The following FCHSD2 variants were observed in gnomAD, a reference collection of about 807,000 sequenced individuals.
FCHSD2 encodes F-BAR and double SH3 domains protein 2.
In FCHSD2, 38 loss-of-function variants were observed where a neutral mutation model predicts 108.1. That is an observed-to-expected ratio of 0.35 (90% CI 0.27 to 0.46). FCHSD2 has a LOEUF of 0.46. Among genes scored for constraint, FCHSD2 ranks in the 20% least tolerant of loss-of-function variants. The pLI is 1.00. For synonymous variants in FCHSD2, 279 were observed against 314.7 expected (o/e 0.89, Z 1.20); for missense variants, 751 against 897.8 (o/e 0.84, Z 2.09).
chr11:73,013,079 T>C (rs1255731865), intron 4 of FCHSD2, among the ~76,000 whole-genome samples: 6 of 152,214 alleles, frequency 3.9e-5, no homozygotes, highest in Non-Finnish European at 7.3e-5. Context: ...CATGGAAACA[T>C]TTCAACACCT....
At chr11:72,864,524 C>T (rs1037879965) in intron 13 of FCHSD2, among the ~76,000 whole-genome samples, 7 of 151,982 alleles carry the variant, frequency 4.6e-5, no homozygotes, top group South Asian at 2.1e-4. Flanking sequence ...CCAGCCTGGG[C>T]GATAGAGGGA....
chr11:72,925,655 G>A (rs535634634), intron 8 of FCHSD2, among the ~76,000 whole-genome samples: 8 of 152,302 alleles, frequency 5.3e-5, no homozygotes, highest in East Asian at 1.9e-4. Flanking sequence ...AATAACTGAC[G>A]CACGTATCCC....
chr11:72,956,906 AC>A (rs1856722398), intron 8 of FCHSD2, among the ~76,000 whole-genome samples: 3 of 151,972 alleles, frequency 2.0e-5, no homozygotes, highest in Admixed American at 6.6e-5. Context: ...AGACAGTTTG[AC>A]ATCATGCACT....
At chr11:72,849,684 G>T in intron 14 of FCHSD2, 71 bp downstream of exon 14, 1 of 1,179,684 alleles carries the variant, frequency 8.5e-7, no homozygotes, top group Non-Finnish European at 1.2e-6. Flanking sequence ...TTGAGAGACT[G>T]GATGGATACA....
intron 12 of FCHSD2, among the ~76,000 whole-genome samples, chr11:72,884,652 CT>C (rs966540402): frequency 2.0e-5 from 3 of 151,634 alleles, no homozygotes; most frequent in Admixed American, 2.0e-4. Context: ...GTTGCCCAAG[CT>C]GGAGTACAGT....
chr11:73,108,752 T>C (rs1408562299), intron 2 of FCHSD2, among the ~76,000 whole-genome samples: 2 of 152,008 alleles, frequency 1.3e-5, no homozygotes, highest in Admixed American at 6.5e-5. Context: ...TTTGTATTTT[T>C]AGTAGAGACG....
Position 72,868,001 on chromosome 11 carries a change from C to T in FCHSD2, c.1172G>A (p.Arg391Gln), listed in dbSNP as rs775098553. Residue 391 changes from arginine to glutamine, a missense_variant, in exon 13 of 20, where the codon CGG becomes CAG. Arg to Gln is a conservative substitution (Grantham distance 43). Transcript: ENST00000409418. ...AEIIKLKAEA[R>Q]LDLLKQIGVS... ...ACCAATCTGCTTTAGCAGGTCCAAC[C>T]GGGCTTCAGCTTTCAATTTAATTAT... 4 of 1,565,648 alleles carry T rather than the reference C, an allele frequency of 2.6e-6. No homozygotes were observed. The highest frequency in any genetic ancestry group is 1.3e-5 in the African/African-American group (1 of 74,242).
chr11:73,112,441 G>C (rs1860507513), intron 2 of FCHSD2, among the ~76,000 whole-genome samples: 1 of 152,136 alleles, frequency 6.6e-6, no homozygotes, highest in South Asian at 2.1e-4. Context: ...ACATTTGGGA[G>C]TTTCATTATT....
At chr11:73,108,816 C>T (rs923000888) in intron 2 of FCHSD2, among the ~76,000 whole-genome samples, 1 of 152,174 alleles carries the variant, frequency 6.6e-6, no homozygotes, top group South Asian at 2.1e-4. Context: ...CATGATCCAC[C>T]CGCTTCGGCC....
Position 72,921,757 on chromosome 11 carries a change from T to C in FCHSD2, c.828+71A>G. ...CTTCTAATATCACTAGTACCTTCAT[T>C]TTCTTTGTATGCAGAAATACTTTAG... On this transcript the variant is annotated intron_variant, in intron 9 of 19. Coordinates refer to ENST00000409418, the MANE Select transcript of FCHSD2 (RefSeq NM_014824.3). The C allele has an allele frequency of 3.8e-6, 5 of 1,310,596 alleles. No individual in the cohort carries two copies. In the Admixed American group the frequency reaches 9.6e-5, roughly 25 times the overall value. 81.2% of individuals were successfully genotyped at this position (1,310,596 alleles called of 1,614,324 possible).
intron 1 of FCHSD2, among the ~76,000 whole-genome samples, chr11:73,141,019 G>T (rs1461852322): frequency 6.6e-6 from 1 of 152,216 alleles, no homozygotes; most frequent in Non-Finnish European, 1.5e-5. Flanking sequence ...TGCCCACGAG[G>T]GGAGGACAGA....
chr11:72,892,605 TTTTG>T (rs556273261), intron 10 of FCHSD2, among the ~76,000 whole-genome samples: 4 of 148,230 alleles, frequency 2.7e-5, no homozygotes, highest in Non-Finnish European at 5.9e-5. Context: ...TTTTTGTTTG[TTTTG>T]TTTTTTGTTT....
chr11:72,939,609 C>CTTTTTTTT (rs1194333407), intron 8 of FCHSD2, among the ~76,000 whole-genome samples: 1 of 65,464 alleles, frequency 1.5e-5, no homozygotes, highest in Non-Finnish European at 2.8e-5. Flanking sequence ...CTTTCTTTTC[C>CTTTTTTTT]TTTTTTTTTT....
At chr11:72,851,775 A>G (rs1861295725) in intron 13 of FCHSD2, among the ~76,000 whole-genome samples, 1 of 152,056 alleles carries the variant, frequency 6.6e-6, no homozygotes, top group African/African-American at 2.4e-5. Flanking sequence ...CAAAACAAGA[A>G]AAAAAATAAA....
intron 3 of FCHSD2, among the ~76,000 whole-genome samples, chr11:73,045,614 TG>T (rs1858743347): frequency 6.6e-6 from 1 of 150,442 alleles, no homozygotes; most frequent in East Asian, 2.0e-4. Context: ...TCATGTCCTT[TG>T]TAGGGACATG....
At chr11:72,855,743 C>T (rs1418955348) in intron 13 of FCHSD2, among the ~76,000 whole-genome samples, 1 of 152,110 alleles carries the variant, frequency 6.6e-6, no homozygotes, top group Admixed American at 6.5e-5. Flanking sequence ...GTTAGATCCA[C>T]AGGCACTTAC....
intron 9 of FCHSD2, among the ~76,000 whole-genome samples, chr11:72,910,288 G>A (rs1297388828): frequency 6.6e-6 from 1 of 152,242 alleles, no homozygotes; most frequent in Admixed American, 6.5e-5. Flanking sequence ...GAGCGCCTTT[G>A]TCCGGCCGCC....
chr11:72,979,006 T>C (rs1857164180), intron 8 of FCHSD2, among the ~76,000 whole-genome samples: 1 of 152,000 alleles, frequency 6.6e-6, no homozygotes, highest in South Asian at 2.1e-4. Flanking sequence ...TACAAGTGCA[T>C]GCCTCCACAC....
In FCHSD2 at chr11:73,001,089, C is replaced by A. The variant is rs1857617077; in HGVS notation, c.288G>T (p.Gln96His). The A allele has an allele frequency of 2.5e-6, 4 of 1,613,074 alleles. 1 individual carries two copies. The East Asian group carries it at 8.9e-5, about 36-fold the overall frequency. Residue 96 changes from glutamine (Q) to histidine (H), a missense_variant, in exon 5 of 20, where the codon CAG (glutamine) becomes CAT (histidine). Physicochemically the swap from Gln to His is conservative, Grantham distance 24. Transcript: ENST00000409418. ...VWKSFLEGTM[Q>H]VAQSRMNICE... The stretch of plus-strand genomic sequence containing the variant: ...ATATATTCATCCGAGACTGGGCTAC[C>A]TGCATTGTTCCCTCGAGAAAAGATT...
Sources: gnomAD v4.1 joint callset for allele counts (sites outside exome capture counted in the v4.1 genomes callset) on GRCh38, gnomAD v4.1.1 for gene constraint, MANE v1.5 for transcripts, NCBI Gene and HGNC (gene_info 2026-07-23, HGNC 2026-07-21) for gene names.